MAST4: variants seen among roughly 807,000 people sequenced by gnomAD.
MAST4 encodes the protein microtubule associated serine/threonine kinase family member 4.
In MAST4, 89 loss-of-function variants were observed where a neutral mutation model predicts 162.7. That is an observed-to-expected ratio of 0.55 (90% CI 0.46 to 0.65). The LOEUF (loss-of-function observed/expected upper bound fraction) is 0.65, where lower values mean the gene tolerates loss of function less well. Among genes scored for constraint, MAST4 ranks in the 30% least tolerant of loss-of-function variants. The probability of loss-of-function intolerance (pLI) is 0.00; values close to 1 mark genes in which losing one functional copy is unlikely to be tolerated. For missense variants in MAST4, 3,153 were observed against 3,374.0 expected (o/e 0.93, Z 1.62); for synonymous variants, 1,479 against 1,361.1 (o/e 1.09, Z -1.91).
At chr5:66,979,188 A>G (rs1748487415) in intron 4 of MAST4, among the ~76,000 whole-genome samples, 2 of 152,190 alleles carry the variant, frequency 1.3e-5, no homozygotes, top group Non-Finnish European at 2.9e-5. Flanking sequence ...ACAGCAGCCA[A>G]GTAGAAAGGT....
At chr5:67,042,951 G>A (rs981524087) in intron 4 of MAST4, among the ~76,000 whole-genome samples, 2 of 152,210 alleles carry the variant, frequency 1.3e-5, no homozygotes, top group Non-Finnish European at 1.5e-5. Flanking sequence ...TGGGCAGAAC[G>A]TTATGCCAAA....
At chr5:66,691,610 G>A (rs1016588772) in intron 1 of MAST4, among the ~76,000 whole-genome samples, 7 of 152,132 alleles carry the variant, frequency 4.6e-5, no homozygotes, top group Admixed American at 3.3e-4. Context: ...CAGATTCATC[G>A]TCTCGTTAGG....
Position 66,898,516 on chromosome 5 carries a change from G to C in MAST4, c.643-1435G>C, listed in dbSNP as rs184782642. Among the ~76,000 whole-genome samples the C allele has an allele frequency of 5.6e-4, 86 of 152,280 alleles. 2 individuals are homozygous for C. The highest frequency in any genetic ancestry group is 2.0e-3 in the African/African-American group (83 of 41,556). Reference sequence around the variant, plus strand: ...CTTGTCATTAGAGGTTTTAGTAAATGAAGGTATATTTATGTTTCAGAATCA... The same window carrying C: ...CTTGTCATTAGAGGTTTTAGTAAATCAAGGTATATTTATGTTTCAGAATCA... On this transcript the variant is annotated intron_variant, in intron 3 of 28. Coordinates refer to ENST00000403625, the MANE Select transcript of MAST4 (RefSeq NM_001164664.2).
intron 3 of MAST4, among the ~76,000 whole-genome samples, chr5:66,841,415 G>A (rs1758415953): frequency 6.6e-6 from 1 of 152,176 alleles, no homozygotes; most frequent in South Asian, 2.1e-4. Context: ...GTCTTAGTCA[G>A]TTCTGGCTGC....
chr5:67,015,018 G>A (rs144950111), intron 4 of MAST4, among the ~76,000 whole-genome samples: 110 of 152,196 alleles, frequency 7.2e-4, no homozygotes, highest in African/African-American at 1.9e-3. Context: ...GCCATTTCTC[G>A]GATATAGAGA....
chr5:67,038,652 C>T (rs1224443738), intron 4 of MAST4, among the ~76,000 whole-genome samples: 3 of 152,148 alleles, frequency 2.0e-5, no homozygotes, highest in African/African-American at 7.2e-5. Context: ...TAACCTCATG[C>T]TTACCACTCA....
At chr5:67,021,672 G>A (rs1243677696) in intron 4 of MAST4, among the ~76,000 whole-genome samples, 4 of 152,124 alleles carry the variant, frequency 2.6e-5, no homozygotes, top group African/African-American at 7.2e-5. Context: ...CCTGGTGTCT[G>A]GTAGAAGACT....
chr5:66,689,261 A>G (rs554556176), intron 1 of MAST4, among the ~76,000 whole-genome samples: 1 of 152,238 alleles, frequency 6.6e-6, no homozygotes, highest in Non-Finnish European at 1.5e-5. Context: ...TTGCTTTATC[A>G]TTCTATCTCC....
chr5:66,905,299 T>C lies in MAST4; in HGVS notation c.674+5317T>C, dbSNP rs1316613075. 9.3e-5 allele frequency among the ~76,000 whole-genome samples: 8 copies of C among 86,248 alleles called. No homozygotes were observed. The Admixed American group carries it at 1.2e-3, about 13-fold the overall frequency. The allele number at this position is 86,248 out of a possible 152,430, so 56.6% of individuals were successfully genotyped here. ...GCCTGGGCAACAGAGTGAAACTCTG[T>C]CTCAAAAAAAAAAAAAAAAAAAAAA... is the stretch of plus-strand genomic sequence containing the variant. On this transcript the variant is annotated intron_variant, in intron 4 of 28. Transcript: ENST00000403625.
intron 3 of MAST4, among the ~76,000 whole-genome samples, chr5:66,832,485 T>C (rs1032094789): frequency 6.6e-6 from 1 of 152,146 alleles, no homozygotes; most frequent in African/African-American, 2.4e-5. Flanking sequence ...ATAACATTCT[T>C]ACGCTGGCCT....
At chr5:67,099,863 G>A (rs973681409) in intron 7 of MAST4, among the ~76,000 whole-genome samples, 1 of 151,436 alleles carries the variant, frequency 6.6e-6, no homozygotes, top group East Asian at 1.9e-4. Flanking sequence ...TCCCTCCAAA[G>A]AAAAGGAAGA....
chr5:66,662,107 C>A lies in MAST4; in HGVS notation c.363+65089C>A, dbSNP rs192531581. Among the ~76,000 whole-genome samples the A allele has an allele frequency of 5.9e-5, 9 of 151,680 alleles. No individual in the cohort carries two copies. In the East Asian group the frequency reaches 1.2e-3, roughly 20 times the overall value. ...TTTTTAATGAGCACTTATTATCAGC[C>A]ACTATTCTAGGCTCTGGGGATATAA... On this transcript the variant is annotated intron_variant, in intron 1 of 28. Transcript: ENST00000403625.
At chr5:66,916,455 T>C (rs536711951) in intron 4 of MAST4, among the ~76,000 whole-genome samples, 1 of 152,382 alleles carries the variant, frequency 6.6e-6, no homozygotes, top group African/African-American at 2.4e-5. Context: ...ACTACTGTAC[T>C]ACCATTTATA....
intron 4 of MAST4, among the ~76,000 whole-genome samples, chr5:66,943,860 G>A (rs1389721893): frequency 6.6e-6 from 1 of 152,000 alleles, no homozygotes; most frequent in Non-Finnish European, 1.5e-5. Flanking sequence ...ATAAATGAAA[G>A]AAATTTCAAA....
At chr5:66,929,541 C>T (rs1425960242) in intron 4 of MAST4, among the ~76,000 whole-genome samples, 1 of 152,202 alleles carries the variant, frequency 6.6e-6, no homozygotes, top group East Asian at 1.9e-4. Context: ...AACCATCACA[C>T]TGTACTTCCC....
chr5:67,150,933 G>A (rs933642742), intron 24 of MAST4, among the ~76,000 whole-genome samples: 7 of 152,182 alleles, frequency 4.6e-5, no homozygotes, highest in Admixed American at 2.0e-4. Context: ...CATAAGAATT[G>A]AAATAGTGGG....
intron 5 of MAST4, among the ~76,000 whole-genome samples, chr5:67,078,806 A>T (rs1211219751): frequency 1.6e-5 from 2 of 123,608 alleles, no homozygotes; most frequent in Admixed American, 9.4e-5. Context: ...ATATTTATTT[A>T]TATTTATATT....
chr5:66,817,149 C>T (rs1478926164), intron 3 of MAST4, among the ~76,000 whole-genome samples: 1 of 152,132 alleles, frequency 6.6e-6, no homozygotes, highest in Non-Finnish European at 1.5e-5. Context: ...TCTGGTGGGA[C>T]TGAGCCTTTT....
At chr5:66,965,056 G>A (rs1218781516) in intron 4 of MAST4, among the ~76,000 whole-genome samples, 1 of 152,074 alleles carries the variant, frequency 6.6e-6, no homozygotes, top group Non-Finnish European at 1.5e-5. Flanking sequence ...ATCGACTAGG[G>A]AAACAAATTA....
Sources: gnomAD v4.1 joint callset for allele counts (sites outside exome capture counted in the v4.1 genomes callset) on GRCh38, gnomAD v4.1.1 for gene constraint, MANE v1.5 for transcripts, NCBI Gene and HGNC (gene_info 2026-07-23, HGNC 2026-07-21) for gene names.